The following PIEZO2 variants were observed in gnomAD, a reference collection of about 807,000 sequenced individuals.
PIEZO2 encodes piezo type mechanosensitive ion channel component 2, also known as piezo-type mechanosensitive ion channel component 2.
A neutral mutation model predicts 337.3 loss-of-function variants in PIEZO2; 172 were observed. The observed-to-expected ratio is 0.51, with a 90% CI of 0.45 to 0.58. The LOEUF is 0.58. Ranked by LOEUF, PIEZO2 falls within the 20% of genes least tolerant of loss-of-function variation. The pLI is 0.00. For synonymous variants in PIEZO2, 1,251 were observed against 1,228.5 expected (o/e 1.02, Z -0.38); for missense variants, 3,028 against 3,391.3 (o/e 0.89, Z 2.66).
rs2039327358 is a variant in PIEZO2, at chr18:10,789,156, C to T, written c.2092G>A (p.Val698Ile). 8 of 1,537,262 alleles carry T rather than the reference C, an allele frequency of 5.2e-6. No homozygotes were observed. The highest frequency in any genetic ancestry group is 1.4e-5 in the African/African-American group (1 of 73,168). The change falls in exon 15 of 56, where the codon GTC (valine) becomes ATC (isoleucine). Residue 698 changes from valine (V) to isoleucine (I), a missense_variant. Transcript: ENST00000674853. ...ATTACGATTTTACCCTCGAAGCTGA[C>T]GAAGAAGAACATGCCTCCGCAGACG... is the stretch of plus-strand genomic sequence containing the variant. Reference protein sequence around the residue: ...IYVCGGMFFFVSFEGKIVMYK... With the variant: ...IYVCGGMFFFISFEGKIVMYK...
chr18:10,717,769 A>T (rs1284537199), intron 37 of PIEZO2, among the ~76,000 whole-genome samples: 1 of 152,188 alleles, frequency 6.6e-6, no homozygotes, highest in Admixed American at 6.5e-5. Flanking sequence ...TCCTAAAATG[A>T]AGAGTTTGGC....
intron 1 of PIEZO2, among the ~76,000 whole-genome samples, chr18:11,142,795 AG>A (rs1352655213): frequency 7.4e-6 from 1 of 135,608 alleles, no homozygotes; most frequent in South Asian, 2.4e-4. Flanking sequence ...AAAAAAAAAA[AG>A]GACCGGGCAC....
intron 28 of PIEZO2, among the ~76,000 whole-genome samples, chr18:10,751,164 C>CT (rs542807924): frequency 1.2e-3 from 184 of 152,262 alleles, no homozygotes; most frequent in African/African-American, 4.3e-3. Context: ...GTCTAACTTC[C>CT]TTTTTAGAAT....
chr18:11,081,192 C>T (rs1158234524), intron 1 of PIEZO2, among the ~76,000 whole-genome samples: 1 of 152,162 alleles, frequency 6.6e-6, no homozygotes, highest in African/African-American at 2.4e-5. Flanking sequence ...AGGCCTTAAC[C>T]ATGTTTTTCT....
intron 5 of PIEZO2, among the ~76,000 whole-genome samples, chr18:10,869,475 AC>A (rs544086123): frequency 1.2e-3 from 187 of 152,318 alleles, no homozygotes; most frequent in African/African-American, 4.5e-3. Flanking sequence ...AAACAAACAA[AC>A]AAACAAACAA....
At chr18:10,710,034 T>C (rs2035754499) in intron 39 of PIEZO2, among the ~76,000 whole-genome samples, 1 of 152,252 alleles carries the variant, frequency 6.6e-6, no homozygotes. Flanking sequence ...CAGTGCCCCT[T>C]TCTGGGGCCC....
At position 10,746,754 on chromosome 18, in the gene PIEZO2, G is replaced by A. The variant is rs899980146; in HGVS notation, c.4424+1717C>T. 2.6e-5 allele frequency among the ~76,000 whole-genome samples: 4 copies of A among 152,234 alleles called. No individual in the cohort carries two copies. The highest frequency in any genetic ancestry group is 4.4e-5 in the Non-Finnish European group (3 of 68,044). On this transcript the variant is annotated intron_variant, in intron 30 of 55. Coordinates refer to ENST00000674853, the MANE Select transcript of PIEZO2 (RefSeq NM_001378183.1). This position sits in a 1 kb window ranked among gnomAD's most constrained non-coding sequence, Gnocchi z 4.2. ...CCTTCCACCAAAATAGGATGCAGTG[G>A]GAAGATGGCCATCTATGAGGAAGTG...
chr18:11,090,129 G>T (rs988556648), intron 1 of PIEZO2, among the ~76,000 whole-genome samples: 1 of 152,140 alleles, frequency 6.6e-6, no homozygotes, highest in Non-Finnish European at 1.5e-5. Context: ...TCAGCGCAAG[G>T]TTCCTCTTTT....
chr18:10,723,050 C>T (rs2036388442), intron 36 of PIEZO2, among the ~76,000 whole-genome samples: 1 of 148,984 alleles, frequency 6.7e-6, no homozygotes, highest in Non-Finnish European at 1.5e-5. Flanking sequence ...TCACCACAAC[C>T]TCTGCCTTCC....
intron 2 of PIEZO2, among the ~76,000 whole-genome samples, chr18:10,995,248 A>G (rs1056137190): frequency 2.2e-4 from 34 of 151,830 alleles, no homozygotes; most frequent in African/African-American, 8.0e-4. Flanking sequence ...ATTTTTTCAT[A>G]TGTTTGTTGG....
intron 2 of PIEZO2, among the ~76,000 whole-genome samples, chr18:11,004,761 G>T (rs1283558500): frequency 6.6e-6 from 1 of 152,196 alleles, no homozygotes; most frequent in Non-Finnish European, 1.5e-5. Context: ...ACAAAAATGT[G>T]TAATTTCCTA....
chr18:11,052,246 A>G lies in PIEZO2; in HGVS notation c.160+13881T>C, dbSNP rs557757429. ...TCAGATAAAGAACCTCTCCAGATTA[A>G]TCTCTGAGTCTCTGGGCTGTCCCAA... On this transcript the variant is annotated intron_variant, in intron 2 of 55. Coordinates refer to ENST00000674853, the MANE Select transcript of PIEZO2 (RefSeq NM_001378183.1). Among the ~76,000 whole-genome samples the G allele has an allele frequency of 9.8e-5, 15 of 152,300 alleles. No homozygotes were observed. The South Asian group carries it at 3.1e-3, about 32-fold the overall frequency.
rs550829621 is a variant in PIEZO2 at position 10,746,548 on chromosome 18, C to T, written c.4424+1923G>A. Among the ~76,000 whole-genome samples, 2 of 152,308 alleles carry T rather than the reference C, an allele frequency of 1.3e-5. No individual in the cohort carries two copies. Among genetic ancestry groups the T allele is most frequent in the East Asian group, 3.9e-4 (2 of 5,176 alleles). ...GACCTCATGGCTCCCGGAGTGTCTC[C>T]TACCATCACACCTGCTGTCGTCTGA... On this transcript the variant is annotated intron_variant, in intron 30 of 55. Coordinates refer to ENST00000674853, the MANE Select transcript of PIEZO2 (RefSeq NM_001378183.1). This position sits in a 1 kb window ranked among gnomAD's most constrained non-coding sequence, Gnocchi z 4.2.
intron 3 of PIEZO2, among the ~76,000 whole-genome samples, chr18:10,959,012 T>A (rs2033657052): frequency 6.6e-6 from 1 of 152,174 alleles, no homozygotes; most frequent in South Asian, 2.1e-4. Flanking sequence ...TAAATGCCTG[T>A]GACTGTTACA....
intron 1 of PIEZO2, among the ~76,000 whole-genome samples, chr18:11,082,243 G>A (rs1005025661): frequency 6.6e-6 from 1 of 152,068 alleles, no homozygotes; most frequent in East Asian, 1.9e-4. Flanking sequence ...AAGGAAATAT[G>A]TATGACAAAT....
Position 10,675,297 on chromosome 18 carries a change from T to C in PIEZO2, c.8082-9A>G, listed in dbSNP as rs756842442. ...AAATCTTTTCTATGGTCCTGTACATTAAGAAAAAAAAGATACAATTACGTT... is the reference window on the plus strand; with the variant it reads ...AAATCTTTTCTATGGTCCTGTACATCAAGAAAAAAAAGATACAATTACGTT... On this transcript the variant is annotated splice_polypyrimidine_tract_variant and intron_variant, in intron 53 of 55. Coordinates refer to ENST00000674853, the MANE Select transcript of PIEZO2 (RefSeq NM_001378183.1). 7.0e-7 allele frequency: 1 copy of C among 1,425,248 alleles called. No homozygotes were observed. Among genetic ancestry groups the C allele is most frequent in the East Asian group, 2.5e-5 (1 of 39,958 alleles). The allele number at this position is 1,425,248 out of a possible 1,614,324, so 88.3% of individuals were successfully genotyped here.
intron 24 of PIEZO2, 149 bp downstream of exon 24, chr18:10,760,762 C>T: frequency 4.3e-6 from 3 of 699,584 alleles, no homozygotes; most frequent in South Asian, 3.9e-5. Context: ...AGCCAGTTAA[C>T]CATCAGTACA....
At chr18:11,133,549 T>C (rs908903685) in intron 1 of PIEZO2, among the ~76,000 whole-genome samples, 18 of 152,130 alleles carry the variant, frequency 1.2e-4, no homozygotes, top group Non-Finnish European at 2.2e-4. Flanking sequence ...ACCCTTAATC[T>C]GGTGGGCACA....
chr18:11,066,748 C>T (rs1021831146), intron 1 of PIEZO2, among the ~76,000 whole-genome samples: 2 of 152,082 alleles, frequency 1.3e-5, no homozygotes, highest in African/African-American at 4.8e-5. Context: ...TACAGGTGCA[C>T]CCCACCACGC....
Sources: gnomAD v4.1 joint callset for allele counts (sites outside exome capture counted in the v4.1 genomes callset) on GRCh38, gnomAD v4.1.1 for gene constraint, Gnocchi (gnomAD v3.1) non-coding constraint, MANE v1.5 for transcripts, NCBI Gene and HGNC (gene_info 2026-07-23, HGNC 2026-07-21) for gene names.